RARS2: variants seen among roughly 807,000 people sequenced by gnomAD.
RARS2 encodes arginyl-tRNA synthetase 2, mitochondrial.
In RARS2, 67 loss-of-function variants were observed where a neutral mutation model predicts 88.5. The observed-to-expected ratio is 0.76, with a 90% CI of 0.62 to 0.93. The LOEUF is 0.93. Among genes scored for constraint, RARS2 ranks in the 40% least tolerant of loss-of-function variants. The pLI is 0.00. For missense variants in RARS2, 664 were observed against 684.2 expected (o/e 0.97, Z 0.33); for synonymous variants, 239 against 230.3 (o/e 1.04, Z -0.34).
rs757000569 is a variant in RARS2, at chr6:87,520,213, A to G, written c.1079T>C (p.Met360Thr). 1.9e-6 allele frequency: 3 copies of G among 1,613,596 alleles called. No individual in the cohort carries two copies. Among genetic ancestry groups the G allele is most frequent in the Non-Finnish European group, 2.5e-6 (3 of 1,179,684 alleles). Residue 360 changes from methionine (M) to threonine (T), a missense_variant, in exon 13 of 20, where the codon ATG (methionine) becomes ACG (threonine). Physicochemically the swap from Met to Thr is moderately conservative, Grantham distance 81. Transcript: ENST00000369536. ...CCAGTCATATCCCATGATCTTCAGC[A>G]TTTGGAATACTTGCTGAAAATGCTT... ...QKKHFQQVFQ[M>T]LKIMGYDWAE...
At position 87,514,777 on chromosome 6, in the gene RARS2, T is replaced by C. The variant is rs3757368; in HGVS notation, c.1650+180A>G. On this transcript the variant is annotated intron_variant, in intron 19 of 19. Transcript: ENST00000369536. Reference sequence around the variant, plus strand: ...ATATTTCATGTAGGAAAATGTGCTTTATAGTCTAGTATGTTGGGAAGTATA... The same window carrying C: ...ATATTTCATGTAGGAAAATGTGCTTCATAGTCTAGTATGTTGGGAAGTATA... Among the ~76,000 whole-genome samples the C allele has an allele frequency of 0.61, 92,671 of 152,100 alleles. 29,037 individuals carry two copies. Among genetic ancestry groups the C allele is most frequent in the African/African-American group, 0.75 (31,268 of 41,510 alleles).
At chr6:87,534,864 G>A (rs964937259) in intron 8 of RARS2, among the ~76,000 whole-genome samples, 1 of 152,194 alleles carries the variant, frequency 6.6e-6, no homozygotes, top group African/African-American at 2.4e-5. Context: ...TAGACCTGTG[G>A]ACAGGGCAAG....
At chr6:87,551,025 G>C (rs1425189255) in intron 5 of RARS2, among the ~76,000 whole-genome samples, 1 of 151,562 alleles carries the variant, frequency 6.6e-6, no homozygotes, top group Non-Finnish European at 1.5e-5. Flanking sequence ...TGTCTGTTAA[G>C]AAAAACAAAA....
chr6:87,582,014 C>G (rs869202283), intron 1 of RARS2, among the ~76,000 whole-genome samples: 2 of 152,156 alleles, frequency 1.3e-5, no homozygotes, highest in Non-Finnish European at 2.9e-5. Context: ...CATTGATGGG[C>G]ATTTGGGTTG....
chr6:87,552,550 A>G (rs1784684306), intron 5 of RARS2, among the ~76,000 whole-genome samples: 1 of 152,254 alleles, frequency 6.6e-6, no homozygotes, highest in Non-Finnish European at 1.5e-5. Flanking sequence ...AGGTAAATCC[A>G]TAAGCAAATT....
At chr6:87,577,048 C>T (rs969225200) in intron 1 of RARS2, among the ~76,000 whole-genome samples, 1 of 152,140 alleles carries the variant, frequency 6.6e-6, no homozygotes, top group African/African-American at 2.4e-5. Context: ...AATTAATTGA[C>T]AACACAGGAA....
At position 87,573,408 on chromosome 6, in the gene RARS2, T is replaced by C. The variant is rs146122859; in HGVS notation, c.37-3818A>G. 9.2e-3 allele frequency among the ~76,000 whole-genome samples: 1,393 copies of C among 152,226 alleles called. 21 individuals are homozygous for C. Among genetic ancestry groups the C allele is most frequent in the African/African-American group, 0.031 (1,293 of 41,532 alleles). On this transcript the variant is annotated intron_variant, in intron 1 of 19. Transcript: ENST00000369536. Reference sequence around the variant, plus strand: ...CCACCTCCAACACTGGGGATTACAATTGAACATGAGATTTGGGTGGGGACA... The same window carrying C: ...CCACCTCCAACACTGGGGATTACAACTGAACATGAGATTTGGGTGGGGACA...
chr6:87,520,396 A>T, intron 12 of RARS2, 140 bp from the exon 13 acceptor site: 2 of 685,866 alleles, frequency 2.9e-6, no homozygotes, highest in Non-Finnish European at 5.0e-6. Flanking sequence ...AAACACAAAG[A>T]GGATGCCACA....
chr6:87,585,423 G>C (rs781197162), intron 1 of RARS2, among the ~76,000 whole-genome samples: 50 of 152,264 alleles, frequency 3.3e-4, no homozygotes, highest in Non-Finnish European at 6.2e-4. Flanking sequence ...TCAAATTATA[G>C]GTTGCCAGTT....
At chr6:87,524,747 T>G in intron 10 of RARS2, 95 bp from the exon 11 acceptor site, 3 of 903,426 alleles carry the variant, frequency 3.3e-6, no homozygotes, top group Non-Finnish European at 5.4e-6. Flanking sequence ...AAGCTATTTT[T>G]ATTACCCACG....
At chr6:87,562,666 T>G (rs1395908913) in intron 4 of RARS2, 36 bp downstream of exon 4, 1 of 1,497,040 alleles carries the variant, frequency 6.7e-7, no homozygotes, top group East Asian at 2.3e-5. Flanking sequence ...GCAGACAGAA[T>G]GAAAGCACAA....
intron 10 of RARS2, 135 bp from the exon 11 acceptor site, chr6:87,524,787 A>C: frequency 1.5e-6 from 1 of 682,528 alleles, no homozygotes; most frequent in Non-Finnish European, 2.6e-6. Flanking sequence ...TTCAAGCTTT[A>C]ATCAACAATG....
intron 8 of RARS2, 66 bp downstream of exon 8, chr6:87,541,852 T>A: frequency 8.0e-7 from 1 of 1,248,606 alleles, no homozygotes; most frequent in Non-Finnish European, 1.2e-6. Context: ...CCTCTGGGAT[T>A]AAAAACATGT....
intron 2 of RARS2, chr6:87,564,604 G>C (rs1288124283): frequency 8.0e-6 from 3 of 373,824 alleles, no homozygotes; most frequent in Non-Finnish European, 1.6e-5. Flanking sequence ...TGGAGGTGGA[G>C]ACTGCAGCGA....
rs150387518 is a variant in RARS2, at chr6:87,514,724, C to G, written c.1651-225G>C. On this transcript the variant is annotated intron_variant, in intron 19 of 19. Transcript: ENST00000369536. ...GGAGTGATAGTATTATACAGTATGGCTTCAGATAAGGGGAACTTATCACTG... is the reference window on the plus strand; with the variant it reads ...GGAGTGATAGTATTATACAGTATGGGTTCAGATAAGGGGAACTTATCACTG... Among the ~76,000 whole-genome samples the G allele has an allele frequency of 2.3e-3, 348 of 152,286 alleles. 1 individual carries two copies. Among genetic ancestry groups the G allele is most frequent in the African/African-American group, 8.0e-3 (334 of 41,558 alleles).
At chr6:87,570,154 C>T (rs4352658) in intron 1 of RARS2, among the ~76,000 whole-genome samples, 10,766 of 152,126 alleles carry the variant, frequency 0.071, 413 homozygotes, top group East Asian at 0.095. Context: ...ATTAGAATAG[C>T]GGGGTGGATG....
intron 7 of RARS2, among the ~76,000 whole-genome samples, chr6:87,544,264 T>C (rs190621120): frequency 5.3e-5 from 8 of 152,378 alleles, no homozygotes; most frequent in Admixed American, 5.2e-4. Context: ...TGTTGTGAAC[T>C]ACAGGTTGAT....
At chr6:87,584,646 A>T (rs1774578833) in intron 1 of RARS2, 1 of 452,450 alleles carries the variant, frequency 2.2e-6, no homozygotes, top group Non-Finnish European at 4.4e-6. Flanking sequence ...AAGCAGGTCT[A>T]TACAAATCTA....
chr6:87,548,731 A>C (rs1425506284), intron 5 of RARS2, 85 bp from the exon 6 acceptor site: 1 of 1,283,160 alleles, frequency 7.8e-7, no homozygotes, highest in East Asian at 2.4e-5. Flanking sequence ...TACTTTGACA[A>C]AACTGTGGAG....
Sources: gnomAD v4.1 joint callset for allele counts (sites outside exome capture counted in the v4.1 genomes callset) on GRCh38, gnomAD v4.1.1 for gene constraint, MANE v1.5 for transcripts, NCBI Gene and HGNC (gene_info 2026-07-23, HGNC 2026-07-21) for gene names.